The following RBFOX1 variants were observed in gnomAD, a reference collection of about 807,000 sequenced individuals.
The protein encoded by RBFOX1 is RNA binding protein fox-1 homolog 1.
A neutral mutation model predicts 57.7 loss-of-function variants in RBFOX1; 8 were observed. That is an observed-to-expected ratio of 0.14 (90% CI 0.08 to 0.25). RBFOX1 has a LOEUF of 0.25. RBFOX1 is among the 10% of genes least tolerant of loss of function. RBFOX1 has a pLI of 1.00. For missense variants in RBFOX1, 611 were observed against 548.5 expected, an observed-to-expected ratio of 1.11 and a Z score of -1.14; for synonymous variants, 326 against 222.4, an observed-to-expected ratio of 1.47 and a Z score of -4.15.
chr16:7,173,019 T>C (rs999569188), intron 4 of RBFOX1, among the ~76,000 whole-genome samples: 3 of 152,150 alleles, frequency 2.0e-5, no homozygotes, highest in Middle Eastern at 6.3e-3. Context: ...GTGTGTATTT[T>C]CCCTAGAATT....
intron 3 of RBFOX1, among the ~76,000 whole-genome samples, chr16:5,745,828 C>G (rs1256932079): frequency 6.6e-6 from 1 of 152,136 alleles, no homozygotes; most frequent in Admixed American, 6.5e-5. Flanking sequence ...ATTGTAGATT[C>G]TGGATATTAC....
At chr16:6,263,658 C>G (rs2097715376) in intron 1 of RBFOX1, among the ~76,000 whole-genome samples, 1 of 152,144 alleles carries the variant, frequency 6.6e-6, no homozygotes, top group Non-Finnish European at 1.5e-5. Context: ...AGTGTCTGCT[C>G]CTTTCCTAGT....
rs34625153 is a variant in RBFOX1, at chr16:7,315,456, A to ACCC, written c.28-202682_28-202680dup. ...AATGATTAAAGCCCTACTCTACCCT[A>ACCC]CCCCCCCCCCCATACTGGGGGCTTG... On this transcript the variant is annotated intron_variant, in intron 4 of 15. Coordinates refer to ENST00000550418, the MANE Select transcript of RBFOX1 (RefSeq NM_018723.4). Among the ~76,000 whole-genome samples, 1,048 of 123,684 alleles carry ACCC rather than the reference A, an allele frequency of 8.5e-3. 26 individuals are homozygous for ACCC. The highest frequency in any genetic ancestry group is 0.022 in the African/African-American group (838 of 37,528). The allele number at this position is 123,684 out of a possible 152,430, so 81.1% of individuals were successfully genotyped here.
At chr16:5,949,141 CAT>C (rs2059465469) in intron 4 of RBFOX1, among the ~76,000 whole-genome samples, 1 of 152,068 alleles carries the variant, frequency 6.6e-6, no homozygotes. Context: ...GGTATTCTCC[CAT>C]ATAACCAGCA....
chr16:5,810,088 C>T (rs2055366466), intron 3 of RBFOX1, among the ~76,000 whole-genome samples: 1 of 151,558 alleles, frequency 6.6e-6, no homozygotes, highest in Non-Finnish European at 1.5e-5. Flanking sequence ...AAAAACCAAA[C>T]ACCATATATT....
chr16:6,959,636 G>T (rs916067098), intron 3 of RBFOX1, among the ~76,000 whole-genome samples: 2 of 152,090 alleles, frequency 1.3e-5, no homozygotes, highest in East Asian at 3.9e-4. Flanking sequence ...GAGTGGTTAC[G>T]TTAAATATTA....
intron 5 of RBFOX1, among the ~76,000 whole-genome samples, chr16:7,526,548 C>A (rs1388217359): frequency 6.6e-6 from 1 of 152,206 alleles, no homozygotes; most frequent in Non-Finnish European, 1.5e-5. Context: ...CGATGGATTA[C>A]AGAACAACAG....
chr16:6,302,984 C>A (rs2079002162), intron 1 of RBFOX1, among the ~76,000 whole-genome samples: 1 of 152,126 alleles, frequency 6.6e-6, no homozygotes, highest in Non-Finnish European at 1.5e-5. Context: ...GTGGGGGTGT[C>A]TCTCATACTT....
intron 1 of RBFOX1, among the ~76,000 whole-genome samples, chr16:6,289,123 A>C (rs2077193750): frequency 6.6e-6 from 1 of 152,166 alleles, no homozygotes; most frequent in South Asian, 2.1e-4. Context: ...TAAAAAGGGA[A>C]TTTACTTATC....
chr16:5,687,744 G>C (rs2050548804), intron 3 of RBFOX1, among the ~76,000 whole-genome samples: 1 of 152,138 alleles, frequency 6.6e-6, no homozygotes, highest in African/African-American at 2.4e-5. Context: ...AGGAAAACTG[G>C]AAGAGTTAGC....
chr16:7,597,989 A>G (rs2094796049), intron 9 of RBFOX1, among the ~76,000 whole-genome samples: 1 of 152,158 alleles, frequency 6.6e-6, no homozygotes, highest in African/African-American at 2.4e-5. Context: ...GTTGCTTTGT[A>G]TTACAGACCC....
chr16:7,165,353 A>C (rs1489710722), intron 4 of RBFOX1, among the ~76,000 whole-genome samples: 1 of 147,538 alleles, frequency 6.8e-6, no homozygotes, highest in African/African-American at 2.6e-5. Flanking sequence ...AAATGGACTT[A>C]ATGGCTACTA....
intron 3 of RBFOX1, among the ~76,000 whole-genome samples, chr16:6,895,733 G>A (rs1017578767): frequency 6.6e-6 from 1 of 151,774 alleles, no homozygotes; most frequent in Non-Finnish European, 1.5e-5. Flanking sequence ...CACAAAAGTG[G>A]ACTACATCTC....
chr16:7,078,057 T>C (rs2058580166), intron 4 of RBFOX1, among the ~76,000 whole-genome samples: 1 of 152,214 alleles, frequency 6.6e-6, no homozygotes, highest in East Asian at 1.9e-4. Flanking sequence ...TTTGAGATTT[T>C]CCTGCCTTTG....
At position 7,358,939 on chromosome 16, in the gene RBFOX1, A is replaced by C. The variant is rs144441090; in HGVS notation, c.28-159208A>C. Among the ~76,000 whole-genome samples, 97 of 152,354 alleles carry C rather than the reference A, an allele frequency of 6.4e-4. 2 individuals are homozygous for C. The East Asian group carries it at 0.015, about 23-fold the overall frequency. On this transcript the variant is annotated intron_variant, in intron 4 of 15. Transcript: ENST00000550418. ...CTAAGACTTGGAATTTCGGATCCAT[A>C]AAGTAAAACATTTCTCCTTTTAATA...
rs550338004 is a variant in RBFOX1 at position 7,010,353 on chromosome 16, C to A, written c.-15-41704C>A. Among the ~76,000 whole-genome samples the A allele has an allele frequency of 2.6e-5, 4 of 152,296 alleles. No individual in the cohort carries two copies. The East Asian group carries it at 7.7e-4, about 29-fold the overall frequency. On this transcript the variant is annotated intron_variant, in intron 3 of 15. Coordinates refer to ENST00000550418, the MANE Select transcript of RBFOX1 (RefSeq NM_018723.4). Reference sequence around the variant, plus strand: ...GAGCATCAAACCCAGTCTGGTTAGACTTTCTGTACAGACTCTTACGCTAGG... The same window carrying A: ...GAGCATCAAACCCAGTCTGGTTAGAATTTCTGTACAGACTCTTACGCTAGG...
chr16:6,040,540 G>C (rs1431458593), intron 1 of RBFOX1, among the ~76,000 whole-genome samples: 1 of 151,206 alleles, frequency 6.6e-6, no homozygotes, highest in African/African-American at 2.4e-5. Flanking sequence ...GTGAGGGTGT[G>C]AATTAATCAT....
chr16:6,504,956 C>A (rs1212510240), intron 2 of RBFOX1, among the ~76,000 whole-genome samples: 1 of 151,858 alleles, frequency 6.6e-6, no homozygotes, highest in Non-Finnish European at 1.5e-5. Context: ...GCCTGTAATC[C>A]CAGCTACTTG....
chr16:6,765,453 A>T lies in RBFOX1; in HGVS notation c.-16+110803A>T, dbSNP rs143702869. Among the ~76,000 whole-genome samples, 153 of 152,348 alleles carry T rather than the reference A, an allele frequency of 1.0e-3. 1 individual carries two copies. The highest frequency in any genetic ancestry group is 3.4e-3 in the Middle Eastern group (1 of 294). On this transcript the variant is annotated intron_variant, in intron 3 of 15. Transcript: ENST00000550418. ...TTAGACTGAATACCTGGGCAATGAA[A>T]TAATCTGTGGAACATACCCCTATAA...
Sources: allele counts gnomAD v4.1 joint callset (sites outside exome capture counted in the v4.1 genomes callset), GRCh38; gene constraint gnomAD v4.1.1; transcripts MANE v1.5; gene names NCBI Gene and HGNC (gene_info 2026-07-23, HGNC 2026-07-21).